The following PZP variants were observed in gnomAD, a reference collection of about 807,000 sequenced individuals.
The protein encoded by PZP is pregnancy zone protein.
PZP carries 150 observed loss-of-function variants against 179.8 expected under a neutral mutation model. The observed-to-expected ratio is 0.83, with a 90% CI of 0.73 to 0.96. The LOEUF (loss-of-function observed/expected upper bound fraction) is 0.96. Among genes scored for constraint, PZP ranks in the 40% least tolerant of loss-of-function variants. The pLI is 0.00. For missense variants in PZP, 1,689 were observed against 1,764.0 expected, an observed-to-expected ratio of 0.96 and a Z score of 0.76; for synonymous variants, 624 against 652.3, an observed-to-expected ratio of 0.96 and a Z score of 0.66.
intron 19 of PZP, among the ~76,000 whole-genome samples, chr12:9,164,657 A>G (rs755295786): frequency 1.9e-4 from 29 of 152,206 alleles, no homozygotes; most frequent in Non-Finnish European, 3.7e-4. Context: ...AACACTGGGA[A>G]TGGTAGATGA....
chr12:9,187,433 T>C (rs972724497), intron 13 of PZP, among the ~76,000 whole-genome samples: 1 of 152,150 alleles, frequency 6.6e-6, no homozygotes, highest in African/African-American at 2.4e-5. Context: ...CAATCAGACA[T>C]AAAACTATCC....
Position 9,192,630 on chromosome 12 carries a change from A to G in PZP, c.1364T>C (p.Ile455Thr), listed in dbSNP as rs750138762. ...GGTACCAGCCACAGGCTCCAGGTGA[A>G]TGTAACTTCCACTTAAGGAGAAAAC... is the stretch of plus-strand genomic sequence containing the variant. ...NRVFSLSGSY[I>T]HLEPVAGTLP... is the part of the protein sequence containing the mutation. Residue 455 changes from isoleucine (I) to threonine (T), a missense_variant, in exon 12 of 36, where the codon ATT (isoleucine) becomes ACT (threonine). Ile to Thr is a moderately conservative substitution (Grantham distance 89, BLOSUM62 -1). Transcript: ENST00000261336. 2 of 1,614,122 alleles carry G rather than the reference A, an allele frequency of 1.2e-6. No homozygotes were observed. The highest frequency in any genetic ancestry group is 2.2e-5 in the East Asian group (1 of 44,886).
At chr12:9,147,254 C>T (rs903799575), downstream of PZP, among the ~76,000 whole-genome samples, 32 of 152,172 alleles carry the variant, frequency 2.1e-4, no homozygotes, top group African/African-American at 7.7e-4. Context: ...TCTTCATTCT[C>T]CTTCAAGCAG....
intron 35 of PZP, 112 bp downstream of exon 35, chr12:9,149,449 C>A: frequency 1.9e-6 from 2 of 1,066,678 alleles, no homozygotes; most frequent in Non-Finnish European, 2.7e-6. Flanking sequence ...GAGGACATGC[C>A]ATGTGGATTG....
rs1163911150 is a variant in PZP at position 9,192,543 on chromosome 12, C to G, written c.1451G>C (p.Gly484Ala). ...AHYTLNRQAM[G>A]ELSELSFHYL... ...ATGGAAACTGAGCTCCGATAACTCT[C>G]CCATGGCCTGTCTATTCAGTGTATA... The change falls in exon 12 of 36, where the codon GGA (glycine) becomes GCA (alanine). Residue 484 changes from glycine to alanine, a missense_variant. Gly to Ala is a moderately conservative substitution (Grantham distance 60). This residue lies in a region of PZP where 742 missense variants were observed against 730.5 expected (regional missense o/e 1.02). Coordinates refer to ENST00000261336, the MANE Select transcript of PZP (RefSeq NM_002864.3). 6.2e-7 allele frequency: 1 copy of G among 1,614,154 alleles called. No individual in the cohort carries two copies. Among genetic ancestry groups the G allele is most frequent in the Admixed American group, 1.7e-5 (1 of 60,034 alleles).
rs750529456 is a variant in PZP, at chr12:9,165,280, A to G, written c.2346T>C (p.Ala782=). ...AGGCAGTGGAAGAGATACCAAGTCCAGCATCTTCGGACAGGCAGAAGGCCC... is the reference window on the plus strand; with the variant it reads ...AGGCAGTGGAAGAGATACCAAGTCCGGCATCTTCGGACAGGCAGAAGGCCC... ...KAGAFCLSED[A]GLGISSTASL... Residue 782 remains alanine, a synonymous_variant, in exon 19 of 36, where the codon GCT becomes GCC. Transcript: ENST00000261336. The G allele has an allele frequency of 6.2e-7, 1 of 1,614,162 alleles. No individual in the cohort carries two copies. The highest frequency in any genetic ancestry group is 8.5e-7 in the Non-Finnish European group (1 of 1,179,990).
At chr12:9,196,483 C>A in intron 9 of PZP, 44 bp from the exon 10 acceptor site, 1 of 1,573,062 alleles carries the variant, frequency 6.4e-7, no homozygotes, top group South Asian at 1.1e-5. Context: ...TTACTTTAGT[C>A]ATAAAATTTC....
At chr12:9,166,469 A>C (rs764590059) in intron 17 of PZP, among the ~76,000 whole-genome samples, 3 of 152,324 alleles carry the variant, frequency 2.0e-5, no homozygotes, top group African/African-American at 7.2e-5. Flanking sequence ...ACTTGGAGAC[A>C]GTTTTATGGG....
chr12:9,201,554 G>A (rs1481445392), intron 4 of PZP, among the ~76,000 whole-genome samples: 3 of 152,110 alleles, frequency 2.0e-5, no homozygotes, highest in Non-Finnish European at 4.4e-5. Context: ...ATTATTATGT[G>A]TTGCCATTTC....
chr12:9,208,133 T>C, intron 1 of PZP, 126 bp downstream of exon 1: 1 of 663,294 alleles, frequency 1.5e-6, no homozygotes, highest in Non-Finnish European at 2.7e-6. Flanking sequence ...TTAACTGGAA[T>C]AATTTCTTAT....
rs1401539090 is a variant in PZP at position 9,203,811 on chromosome 12, T to C, written c.224A>G (p.Asp75Gly). The C allele has an allele frequency of 1.9e-6, 3 of 1,614,064 alleles. No homozygotes were observed. Among genetic ancestry groups the C allele is most frequent in the Admixed American group, 1.7e-5 (1 of 60,010 alleles). Residue 75 changes from aspartate (D) to glycine (G), a missense_variant, in exon 2 of 36, where the codon GAC (aspartate) becomes GGC (glycine). This residue lies in a region of PZP where 742 missense variants were observed against 730.5 expected (regional missense o/e 1.02). Coordinates refer to ENST00000261336, the MANE Select transcript of PZP (RefSeq NM_002864.3). ...SGRENRSLFTDLVAEKDLFHC... is the reference protein window; with the variant it reads ...SGRENRSLFTGLVAEKDLFHC... ...GAATAAGTCCTTCTCCGCCACCAGG[T>C]CAGTGAAGAGGCTCCTGTTTTCCCT...
chr12:9,169,739 T>A, intron 15 of PZP, 148 bp from the exon 16 acceptor site: 1 of 690,112 alleles, frequency 1.4e-6, no homozygotes, highest in African/African-American at 1.9e-5. Flanking sequence ...AGATTTTCCT[T>A]ATATTTAACA....
chr12:9,155,052 G>A (rs913587424), intron 28 of PZP, among the ~76,000 whole-genome samples: 1 of 152,150 alleles, frequency 6.6e-6, no homozygotes, highest in Admixed American at 6.5e-5. Context: ...GTTGATGGAG[G>A]AAGAAGCATA....
chr12:9,142,670 A>T, the PZP span, among the ~76,000 whole-genome samples: 1 of 152,218 alleles, frequency 6.6e-6, no homozygotes, highest in Non-Finnish European at 1.5e-5. Context: ...AAAATCCAGT[A>T]GTTATAAGAT....
intron 31 of PZP, 73 bp from the exon 32 acceptor site, chr12:9,152,383 A>C (rs1356816813): frequency 9.2e-7 from 1 of 1,082,948 alleles, no homozygotes; most frequent in African/African-American, 1.6e-5. Flanking sequence ...TTCAAGCATC[A>C]CTTTAAGCCT....
At chr12:9,205,240 T>G (rs1199505499) in intron 1 of PZP, among the ~76,000 whole-genome samples, 2 of 152,186 alleles carry the variant, frequency 1.3e-5, no homozygotes, top group Non-Finnish European at 2.9e-5. Context: ...GGCCTTAGCT[T>G]TATTGATGAG....
intron 13 of PZP, among the ~76,000 whole-genome samples, chr12:9,185,053 T>C (rs1451275756): frequency 6.6e-6 from 1 of 152,156 alleles, no homozygotes; most frequent in African/African-American, 2.4e-5. Context: ...ACACCAGTTC[T>C]CCAGCAAGGG....
At position 9,164,131 on chromosome 12, in the gene PZP, AC is replaced by A; in HGVS notation, c.2614+1del. ...TAGGCCCTTTTGGGTACTGTCACTC[AC>A]CCAGAGTTTTAGGAGTCACTGTCCA... On this transcript the variant is annotated splice_donor_variant, in intron 20 of 35. Transcript: ENST00000261336. LOFTEE classifies it high-confidence loss of function. 6.2e-7 allele frequency: 1 copy of A among 1,610,794 alleles called. No homozygotes were observed. The highest frequency in any genetic ancestry group is 1.1e-5 in the South Asian group (1 of 90,884).
At chr12:9,176,849 A>C (rs1374224133) in intron 15 of PZP, among the ~76,000 whole-genome samples, 1 of 152,208 alleles carries the variant, frequency 6.6e-6, no homozygotes, top group African/African-American at 2.4e-5. Flanking sequence ...ACTTGAGTAC[A>C]CTTTAGTTCA....
Sources: allele counts gnomAD v4.1 joint callset (sites outside exome capture counted in the v4.1 genomes callset), GRCh38; gene constraint gnomAD v4.1.1; regional missense constraint gnomAD v4.1.1; transcripts MANE v1.5; gene names NCBI Gene and HGNC (gene_info 2026-07-23, HGNC 2026-07-21).